Variants in SPATA31E1 observed in about 807,000 individuals in gnomAD.
The protein encoded by SPATA31E1 is spermatogenesis-associated protein 31E1.
Under a neutral mutation model 12.9 loss-of-function variants are expected in SPATA31E1, and 7 were observed. The ratio of observed to expected loss-of-function variants is 0.54; its 90% CI spans 0.31 to 1.02. The LOEUF (loss-of-function observed/expected upper bound fraction) is 1.02, where lower values mean the gene tolerates loss of function less well. SPATA31E1 is among the 50% of genes least tolerant of loss of function. SPATA31E1 has a pLI of 0.05. For missense variants in SPATA31E1, 1,961 were observed against 1,799.8 expected, an observed-to-expected ratio of 1.09 and a Z score of -1.62; for synonymous variants, 771 against 719.0, an observed-to-expected ratio of 1.07 and a Z score of -1.16.
Position 87,886,250 on chromosome 9 carries a change from C to T in SPATA31E1, c.1763C>T (p.Ser588Phe), listed in dbSNP as rs1454603398. 1.2e-6 allele frequency: 2 copies of T among 1,613,834 alleles called. No homozygotes were observed. Among genetic ancestry groups the T allele is most frequent in the Non-Finnish European group, 8.5e-7 (1 of 1,180,014 alleles). The change falls in exon 4 of 4, where the codon TCT becomes TTT. Residue 588 changes from serine to phenylalanine, a missense_variant. By Grantham distance (155) the Ser-to-Phe change is radical (BLOSUM62 -2). Coordinates refer to ENST00000325643, the MANE Select transcript of SPATA31E1 (RefSeq NM_178828.5). ...KRVLPSLLKK[S>F]QAVLSQPTAH... is the part of the protein sequence containing the mutation. ...GTTTTGCCCTCTCTCCTCAAAAAGTCTCAGGCTGTTCTGAGCCAGCCCACT... is the reference window on the plus strand; with the variant it reads ...GTTTTGCCCTCTCTCCTCAAAAAGTTTCAGGCTGTTCTGAGCCAGCCCACT...
At position 87,887,673 on chromosome 9, in the gene SPATA31E1, G is replaced by A. The variant is rs1828307864; in HGVS notation, c.3186G>A (p.Glu1062=). ...GGGCAAGTTCGGGAAGTGTTCAGGA[G>A]GATCTGAGGAGCACAGGGGCTCTGG... ...SVRASSGSVQ[E]DLRSTGALGT... is the part of the protein sequence containing the mutation. Residue 1062 remains glutamate, a synonymous_variant, in exon 4 of 4, where the codon GAG becomes GAA. Transcript: ENST00000325643. 5 of 1,614,060 alleles carry A rather than the reference G, an allele frequency of 3.1e-6. No individual in the cohort carries two copies. The highest frequency in any genetic ancestry group is 3.4e-6 in the Non-Finnish European group (4 of 1,180,034).
At chr9:87,883,557 G>C (rs540131549) in intron 1 of SPATA31E1, among the ~76,000 whole-genome samples, 3 of 152,306 alleles carry the variant, frequency 2.0e-5, no homozygotes, top group South Asian at 2.1e-4. Flanking sequence ...GTGTGATCTG[G>C]GAGCTGTGCT....
chr9:87,886,873 G>T lies in SPATA31E1; in HGVS notation c.2386G>T (p.Val796Phe). ...RRSWLMAKCA[V>F]PKSDTHRKPG... ...CTCCTGGCTCATGGCCAAATGTGCT[G>T]TTCCCAAGTCTGACACCCACAGGAA... Residue 796 changes from valine (V) to phenylalanine (F), a missense_variant, in exon 4 of 4, where the codon GTT becomes TTT. Transcript: ENST00000325643. 6.2e-7 allele frequency: 1 copy of T among 1,614,144 alleles called. No individual in the cohort carries two copies. The highest frequency in any genetic ancestry group is 8.5e-7 in the Non-Finnish European group (1 of 1,180,026).
chr9:87,883,923 G>A, intron 1 of SPATA31E1, 69 bp from the exon 2 acceptor site: 1 of 1,537,638 alleles, frequency 6.5e-7, no homozygotes, highest in Non-Finnish European at 8.8e-7. Context: ...AGCACTGCGT[G>A]TGTGCAGCTG....
rs1462522476 is a variant in SPATA31E1, at chr9:87,885,452, C to CA, written c.966dup (p.His323ThrfsTer38). The CA allele has an allele frequency of 1.2e-6, 2 of 1,614,046 alleles. No individual in the cohort carries two copies. Among genetic ancestry groups the CA allele is most frequent in the East Asian group, 4.5e-5 (2 of 44,872 alleles). On this transcript the variant is annotated frameshift_variant, in exon 4 of 4. Coordinates refer to ENST00000325643, the MANE Select transcript of SPATA31E1 (RefSeq NM_178828.5). LOFTEE classifies it low-confidence loss of function (END_TRUNC). Reference sequence around the variant, plus strand: ...ACCACCTGGGGCCTCTCCACCTACTCACATGGCAAATCCCAGCCACGGCAT... The same window carrying CA: ...ACCACCTGGGGCCTCTCCACCTACTCAACATGGCAAATCCCAGCCACGGCAT...
rs1564126915 is a variant in SPATA31E1 at position 87,882,986 on chromosome 9, A to AAGT, written c.95_96insAGT (p.Glu32_Cys33insVal). ...CCCCCAGCTCCCAGACCATCTGTGG[A>AAGT]GTGCACAGGAGACGACATTGCACTT... On this transcript the variant is annotated inframe_insertion, in exon 1 of 4. Transcript: ENST00000325643. The AAGT allele has an allele frequency of 1.2e-6, 2 of 1,611,868 alleles. No individual in the cohort carries two copies. Among genetic ancestry groups the AAGT allele is most frequent in the Admixed American group, 3.3e-5 (2 of 59,848 alleles).
rs566530638 is a variant in SPATA31E1 at position 87,886,795 on chromosome 9, G to T, written c.2308G>T (p.Ala770Ser). Residue 770 changes from alanine to serine, a missense_variant, in exon 4 of 4, where the codon GCC becomes TCC. Transcript: ENST00000325643. Reference protein sequence around the residue: ...HLENKLQIHLARKVGEIKEGW... With the variant: ...HLENKLQIHLSRKVGEIKEGW... ...GGAAAACAAGCTGCAAATCCATCTG[G>T]CCAGGAAGGTAGGGGAGATCAAAGA... 6.2e-7 allele frequency: 1 copy of T among 1,614,120 alleles called. No individual in the cohort carries two copies. Among genetic ancestry groups the T allele is most frequent in the East Asian group, 2.2e-5 (1 of 44,866 alleles).
chr9:87,887,512 G>T lies in SPATA31E1; in HGVS notation c.3025G>T (p.Gly1009Ter), dbSNP rs1436314922. ...GCTTGAGAGTGAGAGCATGTCCCCAGGAGACCCCTGTAGTAGCAGAGCCCT... is the reference window on the plus strand; with the variant it reads ...GCTTGAGAGTGAGAGCATGTCCCCATGAGACCCCTGTAGTAGCAGAGCCCT... Reference protein sequence around the residue: ...AWLESESMSPGDPCSSRALQV... With the variant: ...AWLESESMSP Residue 1009 changes from glycine to a stop codon, truncating the protein, a stop_gained, in exon 4 of 4, where the codon GGA becomes TGA. Transcript: ENST00000325643. LOFTEE classifies it low-confidence loss of function (END_TRUNC). 1 of 1,614,026 alleles carries T rather than the reference G, an allele frequency of 6.2e-7. No individual in the cohort carries two copies. The highest frequency in any genetic ancestry group is 1.7e-5 in the Admixed American group (1 of 60,030).
At position 87,888,302 on chromosome 9, in the gene SPATA31E1, A is replaced by G. The variant is rs772020172; in HGVS notation, c.3815A>G (p.Gln1272Arg). The change falls in exon 4 of 4, where the codon CAG (glutamine) becomes CGG (arginine). Residue 1272 changes from glutamine (Q) to arginine (R), a missense_variant. By Grantham distance (43) the Gln-to-Arg change is conservative. Coordinates refer to ENST00000325643, the MANE Select transcript of SPATA31E1 (RefSeq NM_178828.5). ...HFQRKISHHP[Q>R]GLHPRKGGTR... ...CAGAGAAAGATCAGTCACCATCCAC[A>G]GGGTCTACACCCCAGGAAAGGAGGC... 7 of 1,614,020 alleles carry G rather than the reference A, an allele frequency of 4.3e-6. No individual in the cohort carries two copies. Among genetic ancestry groups the G allele is most frequent in the East Asian group, 2.2e-5 (1 of 44,878 alleles).
At position 87,887,292 on chromosome 9, in the gene SPATA31E1, A is replaced by G; in HGVS notation, c.2805A>G (p.Arg935=). ...PEQEGVQRPP[R]GSQSADTHGR... is the part of the protein sequence containing the mutation. ...AGGAGGGAGTCCAGAGGCCCCCGAGAGGGTCCCAGTCAGCTGATACCCATG... is the reference window on the plus strand; with the variant it reads ...AGGAGGGAGTCCAGAGGCCCCCGAGGGGGTCCCAGTCAGCTGATACCCATG... The change falls in exon 4 of 4, where the codon AGA becomes AGG. Residue 935 remains arginine (R), a synonymous_variant. Transcript: ENST00000325643. The G allele has an allele frequency of 6.2e-7, 1 of 1,613,686 alleles. No homozygotes were observed. Among genetic ancestry groups the G allele is most frequent in the Non-Finnish European group, 8.5e-7 (1 of 1,179,970 alleles).
At position 87,883,981 on chromosome 9, in the gene SPATA31E1, T is replaced by C. The variant is rs1564127354; in HGVS notation, c.310-11T>C. On this transcript the variant is annotated splice_polypyrimidine_tract_variant and intron_variant, in intron 1 of 3. Coordinates refer to ENST00000325643, the MANE Select transcript of SPATA31E1 (RefSeq NM_178828.5). ...ACTGGTCCCAGCCCCTCATCCTTTCTTGCCTCTCAGCCTCAAAGGGAGAGA... is the reference window on the plus strand; with the variant it reads ...ACTGGTCCCAGCCCCTCATCCTTTCCTGCCTCTCAGCCTCAAAGGGAGAGA... 5.0e-6 allele frequency: 8 copies of C among 1,603,530 alleles called. No individual in the cohort carries two copies. Among genetic ancestry groups the C allele is most frequent in the Non-Finnish European group, 6.0e-6 (7 of 1,174,182 alleles).
At chr9:87,884,713 A>G (rs1828231828) in intron 3 of SPATA31E1, 62 bp downstream of exon 3, 1 of 1,591,532 alleles carries the variant, frequency 6.3e-7, no homozygotes, top group Non-Finnish European at 8.6e-7. Flanking sequence ...ATGCAACCCT[A>G]CGGCCTGGTG....
chr9:87,886,297 C>A lies in SPATA31E1; in HGVS notation c.1810C>A (p.Pro604Thr). ...QPTAHLPQER[P>T]ASWSPKSAPI... is the part of the protein sequence containing the mutation. ...CACTGCCCACCTTCCCCAAGAGAGG[C>A]CGGCCTCCTGGAGCCCCAAGTCAGC... The change falls in exon 4 of 4, where the codon CCG becomes ACG. Residue 604 changes from proline (P) to threonine (T), a missense_variant. Physicochemically the swap from Pro to Thr is conservative, Grantham distance 38 (BLOSUM62 -1). Coordinates refer to ENST00000325643, the MANE Select transcript of SPATA31E1 (RefSeq NM_178828.5). 6.2e-7 allele frequency: 1 copy of A among 1,613,686 alleles called. No homozygotes were observed. The highest frequency in any genetic ancestry group is 8.5e-7 in the Non-Finnish European group (1 of 1,180,010).
intron 2 of SPATA31E1, 121 bp downstream of exon 2, chr9:87,884,167 TC>T: frequency 5.6e-6 from 7 of 1,253,874 alleles, no homozygotes; most frequent in Non-Finnish European, 7.8e-6. Context: ...ACCTGCGGCC[TC>T]CTCAGATTCC....
rs368225952 is a variant in SPATA31E1, at chr9:87,886,531, G to A, written c.2044G>A (p.Asp682Asn). ...GGCCCTCTTGCCCTCCCAGCCTTCT[G>A]ACTTTGCAGGGAAGGGCAGGAAGGA... ...QQALLPSQPS[D>N]FAGKGRKDVQ... The change falls in exon 4 of 4, where the codon GAC (aspartate) becomes AAC (asparagine). Residue 682 changes from aspartate (D) to asparagine (N), a missense_variant. By Grantham distance (23) the Asp-to-Asn change is conservative. Transcript: ENST00000325643. 92 of 1,613,898 alleles carry A rather than the reference G, an allele frequency of 5.7e-5. No homozygotes were observed. Among genetic ancestry groups the A allele is most frequent in the Non-Finnish European group, 7.4e-5 (87 of 1,179,988 alleles).
intron 2 of SPATA31E1, among the ~76,000 whole-genome samples, chr9:87,884,262 TG>T (rs1828221294): frequency 6.6e-6 from 1 of 152,180 alleles, no homozygotes; most frequent in African/African-American, 2.4e-5. Context: ...TGCCTGGATA[TG>T]GGGGGAGGTC....
chr9:87,887,904 T>C lies in SPATA31E1; in HGVS notation c.3417T>C (p.Thr1139=), dbSNP rs10868671. 834,697 of 1,613,616 alleles carry C rather than the reference T, an allele frequency of 0.52. 217,297 individuals are homozygous for C. Among genetic ancestry groups the C allele is most frequent in the African/African-American group, 0.62 (46,863 of 74,988 alleles). Reference sequence around the variant, plus strand: ...CAGGCCGCCACATGGACATGCTCACTGCCGCAGACAGGCTGCCCACTCAAG... The same window carrying C: ...CAGGCCGCCACATGGACATGCTCACCGCCGCAGACAGGCTGCCCACTCAAG... ...CLPGRHMDML[T]AADRLPTQAP... is the part of the protein sequence containing the mutation. Residue 1139 remains threonine, a synonymous_variant, in exon 4 of 4, where the codon ACT becomes ACC. Coordinates refer to ENST00000325643, the MANE Select transcript of SPATA31E1 (RefSeq NM_178828.5).
In SPATA31E1 at chr9:87,888,527, G is replaced by A. The variant is rs535075787; in HGVS notation, c.4040G>A (p.Gly1347Asp). 5.6e-6 allele frequency: 9 copies of A among 1,614,140 alleles called. No homozygotes were observed. Among genetic ancestry groups the A allele is most frequent in the Middle Eastern group, 1.6e-4 (1 of 6,062 alleles). ...CCCTCAGAGGTCAATCGCCACAAAG[G>A]TGACTTCCGCGCCCAGGAGAATGTG... ...RGPSEVNRHK[G>D]DFRAQENVPS... Residue 1347 changes from glycine (G) to aspartate (D), a missense_variant, in exon 4 of 4, where the codon GGT (glycine) becomes GAT (aspartate). Transcript: ENST00000325643.
chr9:87,884,668 T>A lies in SPATA31E1; in HGVS notation c.425+17T>A, dbSNP rs748176371. The A allele has an allele frequency of 1.3e-4, 206 of 1,613,868 alleles. No homozygotes were observed. Among genetic ancestry groups the A allele is most frequent in the Non-Finnish European group, 1.7e-4 (197 of 1,179,904 alleles). ...TCTGGAAAGGTGAGGAGCTTCCCCC[T>A]TCTGTCCCTGTCCTCCTTCCTACCA... On this transcript the variant is annotated intron_variant, in intron 3 of 3. Transcript: ENST00000325643.
Sources: allele counts gnomAD v4.1 joint callset (sites outside exome capture counted in the v4.1 genomes callset), GRCh38; gene constraint gnomAD v4.1.1; transcripts MANE v1.5; gene names NCBI Gene and HGNC (gene_info 2026-07-23, HGNC 2026-07-21).